Variants in PCDHGA6 observed in about 807,000 individuals in gnomAD.
The protein encoded by PCDHGA6 is protocadherin gamma subfamily A, 6.
PCDHGA6 carries 41 observed loss-of-function variants against 60.6 expected under a neutral mutation model. The ratio of observed to expected loss-of-function variants is 0.68; its 90% CI spans 0.53 to 0.88. PCDHGA6 has a LOEUF of 0.88. Among genes scored for constraint, PCDHGA6 ranks in the 40% least tolerant of loss-of-function variants. The pLI is 0.00. For synonymous variants in PCDHGA6, 594 were observed against 524.4 expected, an observed-to-expected ratio of 1.13 and a Z score of -1.81; for missense variants, 1,312 against 1,203.0, an observed-to-expected ratio of 1.09 and a Z score of -1.34.
chr5:141,404,183 G>T lies in PCDHGA6; in HGVS notation c.2424+27676G>T, dbSNP rs759576056. ...CAGATTGTTGACGGCCCAAATTCTT[G>T]ACCGAGAAAAAGCCTCAGAATATAA... On this transcript the variant is annotated intron_variant, in intron 1 of 3. Coordinates refer to ENST00000517434, the MANE Select transcript of PCDHGA6 (RefSeq NM_018919.3). 2.5e-6 allele frequency: 4 copies of T among 1,613,154 alleles called. No individual in the cohort carries two copies. In the South Asian group the frequency reaches 4.4e-5, roughly 18 times the overall value.
In PCDHGA6 at chr5:141,374,242, A is replaced by G. The variant is rs1181789478; in HGVS notation, c.159A>G (p.Gly53=). Reference sequence around the variant, plus strand: ...TAGGCAACATCGTCAAGGATCTGGGACTGGAGCCCCAGGAGTTGGCGGAGC... The same window carrying G: ...TAGGCAACATCGTCAAGGATCTGGGGCTGGAGCCCCAGGAGTTGGCGGAGC... The part of the protein sequence containing the change: ...SFVGNIVKDL[G]LEPQELAEHG... Residue 53 remains glycine (G), a synonymous_variant, in exon 1 of 4, where the codon GGA becomes GGG. Coordinates refer to ENST00000517434, the MANE Select transcript of PCDHGA6 (RefSeq NM_018919.3). The G allele has an allele frequency of 1.2e-6, 2 of 1,613,868 alleles. No homozygotes were observed. Among genetic ancestry groups the G allele is most frequent in the Admixed American group, 3.3e-5 (2 of 60,006 alleles).
At chr5:141,436,632 G>T (rs763510513) in intron 1 of PCDHGA6, among the ~76,000 whole-genome samples, 2 of 152,130 alleles carry the variant, frequency 1.3e-5, no homozygotes, top group Non-Finnish European at 2.9e-5. Context: ...TTCACAACAT[G>T]CAATTAATTA....
Position 141,490,330 on chromosome 5 carries a change from C to T in PCDHGA6, c.2425-4477C>T, listed in dbSNP as rs2099698666. ...GGCCAACCCTGTCCTAGAGAGCACA[C>T]CAGTGGGCACAGTAGTGGGGTTGTT... is the stretch of plus-strand genomic sequence containing the variant. On this transcript the variant is annotated intron_variant, in intron 1 of 3. Transcript: ENST00000517434. The surrounding 1 kb of genome is among the most constrained non-coding windows in gnomAD (Gnocchi z 5.4). 6.2e-7 allele frequency: 1 copy of T among 1,614,080 alleles called. No individual in the cohort carries two copies. Among genetic ancestry groups the T allele is most frequent in the Non-Finnish European group, 8.5e-7 (1 of 1,180,042 alleles).
chr5:141,405,540 C>A (rs2094682922), intron 1 of PCDHGA6: 1 of 641,202 alleles, frequency 1.6e-6, no homozygotes, highest in African/African-American at 1.8e-5. Context: ...CTGCCTCAGC[C>A]TCCCAAGTAG....
intron 1 of PCDHGA6, among the ~76,000 whole-genome samples, chr5:141,380,132 T>A (rs552082658): frequency 4.4e-4 from 67 of 152,174 alleles, no homozygotes; most frequent in African/African-American, 1.6e-3. Context: ...ACTCCTGACC[T>A]TAAGTGATCC....
At chr5:141,403,119 C>T in intron 1 of PCDHGA6, 1 of 1,614,060 alleles carries the variant, frequency 6.2e-7, no homozygotes, top group Non-Finnish European at 8.5e-7. Flanking sequence ...GCTCTGGAGC[C>T]CCGGGAGCTG....
chr5:141,469,802 C>T (rs2099211446), intron 1 of PCDHGA6, among the ~76,000 whole-genome samples: 1 of 152,022 alleles, frequency 6.6e-6, no homozygotes, highest in Admixed American at 6.6e-5. Flanking sequence ...ATTGCAAAAA[C>T]ATTGTAGATA....
chr5:141,415,126 C>T, intron 1 of PCDHGA6: 1 of 1,613,688 alleles, frequency 6.2e-7, no homozygotes, highest in Non-Finnish European at 8.5e-7. Context: ...AGTGGCCGTC[C>T]AGGACCACGG....
At chr5:141,505,336 G>A in intron 2 of PCDHGA6, 57 bp from the exon 3 acceptor site, 2 of 1,611,374 alleles carry the variant, frequency 1.2e-6, no homozygotes, top group South Asian at 1.1e-5. Flanking sequence ...GAGGACAGGA[G>A]GGGCATGAGC....
chr5:141,375,797 T>A lies in PCDHGA6; in HGVS notation c.1714T>A (p.Ser572Thr). 6.2e-7 allele frequency: 1 copy of A among 1,614,192 alleles called. No homozygotes were observed. Among genetic ancestry groups the A allele is most frequent in the Non-Finnish European group, 8.5e-7 (1 of 1,180,018 alleles). ...ILYPALPTDG[S>T]TGVELAPRSA... ...GTACCCCGCCCTCCCCACAGACGGT[T>A]CCACTGGCGTGGAGCTGGCGCCCCG... The change falls in exon 1 of 4, where the codon TCC becomes ACC. Residue 572 changes from serine (S) to threonine (T), a missense_variant. Coordinates refer to ENST00000517434, the MANE Select transcript of PCDHGA6 (RefSeq NM_018919.3).
At position 141,511,181 on chromosome 5, in the gene PCDHGA6, G is replaced by A. The variant is rs1301391138; in HGVS notation, c.*8G>A. On this transcript the variant is annotated 3_prime_UTR_variant, in exon 4 of 4. Transcript: ENST00000517434. Reference sequence around the variant, plus strand: ...AAGAAGGAGAAGAAGTAACATGGAGGCCAGGCCAAGAGCCACAGGGCGGCC... The same window carrying A: ...AAGAAGGAGAAGAAGTAACATGGAGACCAGGCCAAGAGCCACAGGGCGGCC... 6.2e-7 allele frequency: 1 copy of A among 1,614,016 alleles called. No homozygotes were observed. The highest frequency in any genetic ancestry group is 1.7e-5 in the Admixed American group (1 of 60,016).
rs1446432461 is a variant in PCDHGA6, at chr5:141,511,005, C to G, written c.2631C>G (p.Ala877=). 6.2e-7 allele frequency: 1 copy of G among 1,614,176 alleles called. No individual in the cohort carries two copies. Among genetic ancestry groups the G allele is most frequent in the Middle Eastern group, 1.6e-4 (1 of 6,062 alleles). ...GGGAGTMGLS[A]RYGPQFTLQH... is the part of the protein sequence containing the mutation. ...GTGCCGGCACCATGGGATTGAGCGC[C>G]CGCTACGGACCCCAGTTCACCCTGC... Residue 877 remains alanine, a synonymous_variant, in exon 4 of 4, where the codon GCC becomes GCG. Coordinates refer to ENST00000517434, the MANE Select transcript of PCDHGA6 (RefSeq NM_018919.3).
Position 141,409,599 on chromosome 5 carries a change from C to A in PCDHGA6, c.2424+33092C>A, listed in dbSNP as rs753753955. The A allele has an allele frequency of 9.9e-6, 16 of 1,613,822 alleles. No individual in the cohort carries two copies. The Admixed American group carries it at 2.2e-4, about 22-fold the overall frequency. ...GTGGTCCACGTGGCCGAGAACAACC[C>A]GCCAGGAGCCTCCATTGCGCAAGTG... On this transcript the variant is annotated intron_variant, in intron 1 of 3. Transcript: ENST00000517434.
intron 1 of PCDHGA6, chr5:141,439,898 C>T (rs1428014089): frequency 6.6e-6 from 1 of 152,344 alleles, no homozygotes; most frequent in African/African-American, 2.4e-5. Context: ...ACCAAGGCGA[C>T]TACTGCCTCC....
intron 1 of PCDHGA6, chr5:141,419,261 G>A (rs758952830): frequency 1.3e-5 from 21 of 1,613,864 alleles, no homozygotes; most frequent in Non-Finnish European, 1.7e-5. Context: ...CAACCAGCCG[G>A]GTGCCTCCAT....
At chr5:141,504,743 G>A (rs924744762) in intron 2 of PCDHGA6, among the ~76,000 whole-genome samples, 5 of 151,982 alleles carry the variant, frequency 3.3e-5, no homozygotes, top group African/African-American at 9.7e-5. Context: ...GGAAGCCATT[G>A]AATTTTAGAA....
chr5:141,402,807 T>G, intron 1 of PCDHGA6: 2 of 1,165,464 alleles, frequency 1.7e-6, no homozygotes, highest in Non-Finnish European at 2.3e-6. Flanking sequence ...ACCCGGCAGA[T>G]ACCACAAACC....
intron 1 of PCDHGA6, among the ~76,000 whole-genome samples, chr5:141,381,379 A>G (rs1777152339): frequency 6.6e-6 from 1 of 152,224 alleles, no homozygotes; most frequent in Non-Finnish European, 1.5e-5. Flanking sequence ...GGATCCATCA[A>G]TAATTTAGTT....
chr5:141,394,491 C>G, intron 1 of PCDHGA6: 1 of 1,614,234 alleles, frequency 6.2e-7, no homozygotes, highest in East Asian at 2.2e-5. Flanking sequence ...TGACAACGCG[C>G]CCGAGATCCT....
Sources: allele counts gnomAD v4.1 joint callset (sites outside exome capture counted in the v4.1 genomes callset), GRCh38; gene constraint gnomAD v4.1.1; non-coding constraint Gnocchi (gnomAD v3.1); transcripts MANE v1.5; gene names NCBI Gene and HGNC (gene_info 2026-07-23, HGNC 2026-07-21).